The following GMDS variants were observed in gnomAD, a reference collection of about 807,000 sequenced individuals.
The protein encoded by GMDS is GDP-mannose 4,6 dehydratase.
Under a neutral mutation model 49.9 loss-of-function variants are expected in GMDS, and 20 were observed. The observed-to-expected ratio is 0.40, with a 90% CI of 0.28 to 0.58. The LOEUF is 0.58. Ranked by LOEUF, GMDS falls within the 20% of genes least tolerant of loss-of-function variation. The pLI is 0.42. For missense variants in GMDS, 362 were observed against 481.4 expected (o/e 0.75, Z 2.32); for synonymous variants, 177 against 178.6 (o/e 0.99, Z 0.07).
At chr6:2,209,606 TTCTCTC>T (rs143707347) in intron 1 of GMDS, among the ~76,000 whole-genome samples, 9 of 120,928 alleles carry the variant, frequency 7.4e-5, no homozygotes, top group East Asian at 2.4e-4. Flanking sequence ...CACACACACG[TTCTCTC>T]TCTCTCTCTC....
chr6:1,975,838 G>T (rs1373972901), intron 4 of GMDS, among the ~76,000 whole-genome samples: 2 of 152,140 alleles, frequency 1.3e-5, no homozygotes, highest in Non-Finnish European at 2.9e-5. Flanking sequence ...GCTTTGGTTT[G>T]ACACTAACAA....
At chr6:2,201,528 C>T (rs1441056781) in intron 1 of GMDS, among the ~76,000 whole-genome samples, 1 of 122,792 alleles carries the variant, frequency 8.1e-6, no homozygotes, top group East Asian at 2.7e-4. Flanking sequence ...GAAGAGAGAG[C>T]ACCACATGGG....
chr6:1,846,149 G>C (rs554742076), intron 7 of GMDS, among the ~76,000 whole-genome samples: 2 of 146,546 alleles, frequency 1.4e-5, no homozygotes, highest in African/African-American at 5.1e-5. Flanking sequence ...CTGGAGTGCA[G>C]TGCCACAATC....
Position 1,766,977 on chromosome 6 carries a change from A to T in GMDS, c.772-24391T>A, listed in dbSNP as rs1163114417. Among the ~76,000 whole-genome samples the T allele has an allele frequency of 6.6e-6, 1 of 152,082 alleles. No homozygotes were observed. Among genetic ancestry groups the T allele is most frequent in the Non-Finnish European group, 1.5e-5 (1 of 68,004 alleles). On this transcript the variant is annotated intron_variant, in intron 7 of 10. Coordinates refer to ENST00000380815, the MANE Select transcript of GMDS (RefSeq NM_001500.4). The surrounding 1 kb of genome is among the most constrained non-coding windows in gnomAD (Gnocchi z 4.5). ...TGTAAAATCGAGCAGGGATCCCCAA[A>T]CCTTCCTCTCACACCACAGCTGTAG...
rs574980571 is a variant in GMDS at position 2,244,987 on chromosome 6, G to A, written c.102+334C>T. 6.6e-5 allele frequency among the ~76,000 whole-genome samples: 10 copies of A among 152,292 alleles called. No individual in the cohort carries two copies. In the East Asian group the frequency reaches 1.9e-3, roughly 29 times the overall value. ...TTCCCTTTCCGGCACTAGGAGCTGC[G>A]AAGCACGACATGGGCTTGGAGGAAG... On this transcript the variant is annotated intron_variant, in intron 1 of 10. Coordinates refer to ENST00000380815, the MANE Select transcript of GMDS (RefSeq NM_001500.4).
chr6:2,040,950 G>A (rs1769640015), intron 4 of GMDS, among the ~76,000 whole-genome samples: 1 of 152,156 alleles, frequency 6.6e-6, no homozygotes, highest in Admixed American at 6.5e-5. Context: ...AGACTGCCGT[G>A]TAACTTAAAA....
At chr6:1,654,262 G>C (rs139189236) in intron 9 of GMDS, among the ~76,000 whole-genome samples, 1 of 152,320 alleles carries the variant, frequency 6.6e-6, no homozygotes, top group East Asian at 1.9e-4. Flanking sequence ...TTCTGGGCTA[G>C]TAACCAGAAG....
At chr6:1,862,728 A>T (rs919960096) in intron 7 of GMDS, among the ~76,000 whole-genome samples, 1 of 152,222 alleles carries the variant, frequency 6.6e-6, no homozygotes, top group East Asian at 1.9e-4. Context: ...TTCCCTGGGT[A>T]AAAAAATTCC....
intron 8 of GMDS, among the ~76,000 whole-genome samples, chr6:1,729,070 C>A (rs1766696755): frequency 6.6e-6 from 1 of 152,194 alleles, no homozygotes; most frequent in African/African-American, 2.4e-5. Flanking sequence ...ATCGCCTCAC[C>A]CTCAGCTGAA....
chr6:1,976,776 T>C (rs7450779), intron 4 of GMDS, among the ~76,000 whole-genome samples: 6,254 of 152,302 alleles, frequency 0.041, 430 homozygotes, highest in African/African-American at 0.14. Context: ...ATTCACCACA[T>C]AGTTTCCAAA....
At chr6:1,890,095 G>C (rs1213406894) in intron 7 of GMDS, among the ~76,000 whole-genome samples, 5 of 152,036 alleles carry the variant, frequency 3.3e-5, no homozygotes, top group Non-Finnish European at 7.4e-5. Flanking sequence ...TTTTCATGTG[G>C]AAGTATGTTT....
At chr6:1,990,585 C>CT (rs1765871613) in intron 4 of GMDS, among the ~76,000 whole-genome samples, 1 of 151,988 alleles carries the variant, frequency 6.6e-6, no homozygotes, top group South Asian at 2.1e-4. Flanking sequence ...CTGTTTTATT[C>CT]TTTTTTTGTT....
At chr6:1,995,150 T>G (rs1766199628) in intron 4 of GMDS, among the ~76,000 whole-genome samples, 1 of 152,098 alleles carries the variant, frequency 6.6e-6, no homozygotes, top group Non-Finnish European at 1.5e-5. Context: ...CAGCAGAAAC[T>G]GAGGGGCCAC....
At chr6:2,093,852 G>A (rs1448158919) in intron 4 of GMDS, among the ~76,000 whole-genome samples, 1 of 151,736 alleles carries the variant, frequency 6.6e-6, no homozygotes, top group Non-Finnish European at 1.5e-5. Flanking sequence ...CCAAATTTGT[G>A]CTAATATTAT....
intron 1 of GMDS, among the ~76,000 whole-genome samples, chr6:2,199,316 G>A (rs1779404688): frequency 6.6e-6 from 1 of 152,134 alleles, no homozygotes; most frequent in Non-Finnish European, 1.5e-5. Context: ...ACCTTAACAG[G>A]AACCCAAAAT....
chr6:1,899,102 G>A (rs1760368873), intron 7 of GMDS, among the ~76,000 whole-genome samples: 1 of 152,186 alleles, frequency 6.6e-6, no homozygotes, highest in African/African-American at 2.4e-5. Context: ...CTTTCTTCCT[G>A]CTTTCCTCTC....
At chr6:1,997,874 A>C (rs760607490) in intron 4 of GMDS, among the ~76,000 whole-genome samples, 3 of 152,172 alleles carry the variant, frequency 2.0e-5, no homozygotes, top group Non-Finnish European at 4.4e-5. Context: ...GAAGAAGACC[A>C]AAAATGGGAT....
chr6:1,907,512 A>C (rs1760835629), intron 7 of GMDS, among the ~76,000 whole-genome samples: 1 of 152,250 alleles, frequency 6.6e-6, no homozygotes, highest in Admixed American at 6.5e-5. Context: ...GGGAAGTGAC[A>C]GGACAGGAAC....
intron 1 of GMDS, among the ~76,000 whole-genome samples, chr6:2,146,986 C>T (rs952575230): frequency 3.9e-5 from 6 of 152,042 alleles, no homozygotes; most frequent in Admixed American, 1.3e-4. Context: ...ACGGTGCATC[C>T]CAAGGGTATG....
Sources: gnomAD v4.1 joint callset for allele counts (sites outside exome capture counted in the v4.1 genomes callset) on GRCh38, gnomAD v4.1.1 for gene constraint, Gnocchi (gnomAD v3.1) non-coding constraint, MANE v1.5 for transcripts, NCBI Gene and HGNC (gene_info 2026-07-23, HGNC 2026-07-21) for gene names.